SAMMSON: variants seen among roughly 807,000 people sequenced by gnomAD.
SAMMSON encodes long intergenic non-protein coding RNA 1212.
chr3:70,061,630 C>T (rs193249158), intron 3 of SAMMSON, among the ~76,000 whole-genome samples: 168 of 152,174 alleles, frequency 1.1e-3, no homozygotes, highest in Non-Finnish European at 1.7e-3. Context: ...GTCACCTGGC[C>T]AGCCCACCTC....
intron 7 of SAMMSON, among the ~76,000 whole-genome samples, chr3:70,313,470 ACTGT>A (rs1396067683): frequency 6.6e-6 from 1 of 151,362 alleles, no homozygotes; most frequent in Non-Finnish European, 1.5e-5. Context: ...AGAGCAAGAC[ACTGT>A]CTGAAAGGAA....
intron 4 of SAMMSON, among the ~76,000 whole-genome samples, chr3:70,244,546 T>C (rs1416834008): frequency 1.3e-5 from 2 of 152,200 alleles, no homozygotes; most frequent in East Asian, 3.9e-4. Flanking sequence ...ATTTGATCAA[T>C]ATATGGGATG....
At chr3:70,023,600 A>T (rs895674900) in intron 3 of SAMMSON, among the ~76,000 whole-genome samples, 3 of 152,112 alleles carry the variant, frequency 2.0e-5, no homozygotes, top group African/African-American at 7.2e-5. Flanking sequence ...GGCAGTGTTC[A>T]TAGTAAGTAA....
At chr3:70,370,121 T>C (rs9844487) in intron 9 of SAMMSON, among the ~76,000 whole-genome samples, 2,401 of 152,006 alleles carry the variant, frequency 0.016, 57 homozygotes, top group African/African-American at 0.042. Context: ...GTTCCATCCA[T>C]GTTGCTGCGA....
At chr3:70,319,387 G>C (rs909871223) in intron 7 of SAMMSON, among the ~76,000 whole-genome samples, 11 of 152,014 alleles carry the variant, frequency 7.2e-5, no homozygotes, top group African/African-American at 2.4e-4. Flanking sequence ...CTTGAAAATA[G>C]CTTCTTCATA....
chr3:70,224,082 G>A (rs966445182), intron 4 of SAMMSON, among the ~76,000 whole-genome samples: 1 of 152,030 alleles, frequency 6.6e-6, no homozygotes, highest in Admixed American at 6.6e-5. Context: ...ACAAACACCA[G>A]GTTAGTGTAA....
At chr3:70,134,672 C>T (rs1219241923) in intron 4 of SAMMSON, among the ~76,000 whole-genome samples, 3 of 151,880 alleles carry the variant, frequency 2.0e-5, no homozygotes, top group African/African-American at 7.3e-5. Context: ...AATAGAAAAA[C>T]ATTTTTATGA....
chr3:70,282,584 T>C (rs997283919), intron 6 of SAMMSON, among the ~76,000 whole-genome samples: 1 of 152,196 alleles, frequency 6.6e-6, no homozygotes, highest in South Asian at 2.1e-4. Context: ...TCAGGAACTT[T>C]GCACTTGCTA....
At chr3:70,249,838 T>C (rs1203460140) in intron 6 of SAMMSON, among the ~76,000 whole-genome samples, 1 of 152,156 alleles carries the variant, frequency 6.6e-6, no homozygotes, top group African/African-American at 2.4e-5. Flanking sequence ...CCAGTGGTCA[T>C]AAAATAAGAT....
chr3:70,139,123 A>G (rs891094816), intron 4 of SAMMSON, among the ~76,000 whole-genome samples: 2 of 152,226 alleles, frequency 1.3e-5, no homozygotes, highest in Non-Finnish European at 2.9e-5. Flanking sequence ...TATCAAATCT[A>G]TACTGGATAT....
chr3:70,269,806 A>G (rs906120830), intron 6 of SAMMSON, among the ~76,000 whole-genome samples: 4 of 152,202 alleles, frequency 2.6e-5, no homozygotes, highest in Admixed American at 2.6e-4. Context: ...AGAAATTTAA[A>G]CGAAATCACA....
chr3:70,395,853 C>T (rs893497391), intron 2 of SAMMSON, among the ~76,000 whole-genome samples: 13 of 152,244 alleles, frequency 8.5e-5, no homozygotes, highest in Admixed American at 5.2e-4. Flanking sequence ...GAAGAGATTG[C>T]ATTGTCTGGT....
intron 7 of SAMMSON, among the ~76,000 whole-genome samples, chr3:70,352,694 G>A (rs569745070): frequency 2.0e-5 from 3 of 152,044 alleles, no homozygotes; most frequent in Admixed American, 6.6e-5. Flanking sequence ...GATCTTAAAT[G>A]CATATAGAAT....
At chr3:70,203,581 A>C (rs1454210549) in intron 4 of SAMMSON, among the ~76,000 whole-genome samples, 2 of 152,194 alleles carry the variant, frequency 1.3e-5, no homozygotes, top group Non-Finnish European at 2.9e-5. Flanking sequence ...TGAGCAAATG[A>C]ACTGAAATAA....
Position 70,050,678 on chromosome 3 carries a change from C to A in SAMMSON, n.418-20798C>A, listed in dbSNP as rs536619021. Among the ~76,000 whole-genome samples the A allele has an allele frequency of 2.0e-5, 3 of 152,236 alleles. No homozygotes were observed. In the East Asian group the frequency reaches 5.8e-4, roughly 30 times the overall value. On this transcript the variant is annotated intron_variant and non_coding_transcript_variant, in intron 3 of 9. Transcript: ENST00000642114. ...TTTGCTATGGATCTGTCTTGGTCAACTTTCACCTGAATGATAATTCAGTGA... is the reference window on the plus strand; with the variant it reads ...TTTGCTATGGATCTGTCTTGGTCAAATTTCACCTGAATGATAATTCAGTGA...
chr3:70,432,305 A>G (rs1472142624), intron 2 of SAMMSON, among the ~76,000 whole-genome samples: 3 of 151,450 alleles, frequency 2.0e-5, no homozygotes, highest in East Asian at 1.9e-4. Context: ...TGTGAGGTAT[A>G]TGTTAGTCCT....
At chr3:70,091,251 C>G (rs1351392389) in intron 4 of SAMMSON, among the ~76,000 whole-genome samples, 1 of 152,148 alleles carries the variant, frequency 6.6e-6, no homozygotes, top group Non-Finnish European at 1.5e-5. Context: ...AGATGAGGAT[C>G]CTAAATGATT....
intron 7 of SAMMSON, among the ~76,000 whole-genome samples, chr3:70,317,596 GTA>G (rs373184140): frequency 6.6e-6 from 1 of 150,516 alleles, no homozygotes; most frequent in Non-Finnish European, 1.5e-5. Flanking sequence ...GTATCTGTAT[GTA>G]TATATATATG....
At chr3:70,290,187 G>T (rs1702218312) in intron 6 of SAMMSON, among the ~76,000 whole-genome samples, 4 of 152,108 alleles carry the variant, frequency 2.6e-5, no homozygotes, top group Admixed American at 2.6e-4. Context: ...CCATCTTTGT[G>T]GTTTTATCTA....
Sources: allele counts gnomAD v4.1 joint callset (sites outside exome capture counted in the v4.1 genomes callset), GRCh38; gene constraint gnomAD v4.1.1; transcripts MANE v1.5; gene names NCBI Gene and HGNC (gene_info 2026-07-23, HGNC 2026-07-21).